Variants in METTL15 observed in about 807,000 individuals in gnomAD.
METTL15 encodes the protein methyltransferase 15, mitochondrial 12S rRNA N4-cytidine.
Under a neutral mutation model 38.3 loss-of-function variants are expected in METTL15, and 34 were observed. That is an observed-to-expected ratio of 0.89 (90% CI 0.68 to 1.18). The LOEUF is 1.18. Among genes scored for constraint, METTL15 ranks in the 50% most tolerant of loss-of-function variants. The pLI, the probability that METTL15 is intolerant of heterozygous loss-of-function variation, is 0.00. For missense variants in METTL15, 438 were observed against 498.4 expected, an observed-to-expected ratio of 0.88 and a Z score of 1.15; for synonymous variants, 162 against 170.9, an observed-to-expected ratio of 0.95 and a Z score of 0.41.
At chr11:28,267,844 G>T (rs187662717) in intron 4 of METTL15, among the ~76,000 whole-genome samples, 683 of 152,318 alleles carry the variant, frequency 4.5e-3, no homozygotes, top group Admixed American at 6.7e-3. Context: ...AATAATGCAT[G>T]TATATGGATG....
intron 6 of METTL15, among the ~76,000 whole-genome samples, chr11:28,453,251 A>G (rs1163114190): frequency 6.6e-6 from 1 of 152,232 alleles, no homozygotes. Context: ...AACTCATTAT[A>G]GAGAACAGCA....
At chr11:28,329,634 T>G (rs183169793) in intron 6 of METTL15, among the ~76,000 whole-genome samples, 109 of 152,276 alleles carry the variant, frequency 7.2e-4, no homozygotes, top group African/African-American at 2.4e-3. Flanking sequence ...GTCTTTAATT[T>G]ATTTCAAAAA....
chr11:28,234,552 C>A (rs1590197582), intron 4 of METTL15, among the ~76,000 whole-genome samples: 1 of 151,884 alleles, frequency 6.6e-6, no homozygotes, highest in East Asian at 1.9e-4. Flanking sequence ...TTTCTGATGG[C>A]CAGTGATGAT....
In METTL15 at chr11:28,197,194, A is replaced by G. The variant is rs1447330400; in HGVS notation, c.271-13868A>G. 3.9e-5 allele frequency among the ~76,000 whole-genome samples: 6 copies of G among 151,986 alleles called. No individual in the cohort carries two copies. The South Asian group carries it at 1.2e-3, about 32-fold the overall frequency. On this transcript the variant is annotated intron_variant, in intron 3 of 6. Coordinates refer to ENST00000407364, the MANE Select transcript of METTL15 (RefSeq NM_001113528.2). ...CAACGGTAATTTTTATTGAATTTTA[A>G]GTTCTTTGAAATTTCTCCTGCTGGA...
chr11:28,433,969 C>G (rs1345838409), intron 6 of METTL15, among the ~76,000 whole-genome samples: 2 of 152,088 alleles, frequency 1.3e-5, no homozygotes, highest in Non-Finnish European at 2.9e-5. Flanking sequence ...GGATGGTCTC[C>G]TTGGGCATCG....
intron 5 of METTL15, among the ~76,000 whole-genome samples, chr11:28,388,915 A>T (rs1029680337): frequency 6.6e-6 from 1 of 151,780 alleles, no homozygotes; most frequent in African/African-American, 2.4e-5. Flanking sequence ...CCCACCTATG[A>T]GTGAGAACAT....
At position 28,271,753 on chromosome 11, in the gene METTL15, C is replaced by T. The variant is rs138452945; in HGVS notation, c.408-18453C>T. Among the ~76,000 whole-genome samples, 406 of 151,994 alleles carry T rather than the reference C, an allele frequency of 2.7e-3. 6 individuals carry two copies. Among genetic ancestry groups the T allele is most frequent in the African/African-American group, 9.0e-3 (372 of 41,444 alleles). On this transcript the variant is annotated intron_variant, in intron 4 of 6. Coordinates refer to ENST00000407364, the MANE Select transcript of METTL15 (RefSeq NM_001113528.2). ...AATTAAACTAAAGAGCTCTGCACAG[C>T]GAAAGAAACTATCATCAGAGTGAAC...
intron 6 of METTL15, among the ~76,000 whole-genome samples, chr11:28,492,547 TACAC>T (rs966936864): frequency 7.7e-5 from 7 of 91,130 alleles, no homozygotes; most frequent in African/African-American, 2.5e-4. Flanking sequence ...CACACACACA[TACAC>T]ACACACAACA....
intron 5 of METTL15, among the ~76,000 whole-genome samples, chr11:28,419,123 C>A (rs554296643): frequency 6.6e-6 from 1 of 152,268 alleles, no homozygotes; most frequent in African/African-American, 2.4e-5. Flanking sequence ...GATTGTAGAG[C>A]CCTAGAGCCT....
chr11:28,194,912 C>T (rs1281305537), intron 3 of METTL15, among the ~76,000 whole-genome samples: 1 of 151,812 alleles, frequency 6.6e-6, no homozygotes. Context: ...CCTTTATGCA[C>T]CCATAGCTTA....
At chr11:28,429,513 A>T (rs1212821597) in intron 6 of METTL15, among the ~76,000 whole-genome samples, 1 of 121,926 alleles carries the variant, frequency 8.2e-6, no homozygotes. Flanking sequence ...GATTGCAGGC[A>T]CGCGCCGCCA....
intron 6 of METTL15, among the ~76,000 whole-genome samples, chr11:28,505,570 G>A (rs955501705): frequency 1.3e-5 from 2 of 152,196 alleles, no homozygotes; most frequent in Non-Finnish European, 1.5e-5. Context: ...ATAGCTCTCT[G>A]AAGACATTTA....
At chr11:28,399,201 T>TG (rs754843447) in intron 5 of METTL15, 16 of 151,920 alleles carry the variant, frequency 1.1e-4, no homozygotes, top group Non-Finnish European at 2.2e-4. Context: ...AATGGGTAAG[T>TG]GATTCCCTAT....
chr11:28,292,539 A>G (rs1485275907), intron 5 of METTL15, among the ~76,000 whole-genome samples: 1 of 152,108 alleles, frequency 6.6e-6, no homozygotes, highest in Non-Finnish European at 1.5e-5. Flanking sequence ...GTGTCTTTAT[A>G]GCAGCATGAT....
chr11:28,223,860 A>C (rs948194342), intron 4 of METTL15, among the ~76,000 whole-genome samples: 1 of 152,078 alleles, frequency 6.6e-6, no homozygotes, highest in Non-Finnish European at 1.5e-5. Flanking sequence ...GTGTTGGTTG[A>C]CTTTTTAACG....
chr11:28,528,069 C>G (rs1851824052), downstream of METTL15, among the ~76,000 whole-genome samples: 1 of 152,058 alleles, frequency 6.6e-6, no homozygotes, highest in Non-Finnish European at 1.5e-5. Context: ...TAATTTTGTA[C>G]CTATTTCCCA....
intron 3 of METTL15, among the ~76,000 whole-genome samples, chr11:28,133,251 A>T (rs556392737): frequency 1.3e-5 from 2 of 152,214 alleles, no homozygotes; most frequent in East Asian, 3.9e-4. Context: ...GTGCAAGGAG[A>T]TTGTAGAATC....
At chr11:28,178,764 T>A (rs185271406) in intron 3 of METTL15, among the ~76,000 whole-genome samples, 2 of 151,986 alleles carry the variant, frequency 1.3e-5, no homozygotes, top group African/African-American at 4.8e-5. Flanking sequence ...ATTAATACTT[T>A]CAAATCTTAT....
At chr11:28,234,125 G>T (rs376242885) in intron 4 of METTL15, among the ~76,000 whole-genome samples, 1 of 152,064 alleles carries the variant, frequency 6.6e-6, no homozygotes, top group East Asian at 1.9e-4. Flanking sequence ...CCCTACAAAG[G>T]ACATGAACTC....
Sources: allele counts gnomAD v4.1 joint callset (sites outside exome capture counted in the v4.1 genomes callset), GRCh38; gene constraint gnomAD v4.1.1; transcripts MANE v1.5; gene names NCBI Gene and HGNC (gene_info 2026-07-23, HGNC 2026-07-21).